The following THSD7A variants were observed in gnomAD, a reference collection of about 807,000 sequenced individuals.
The protein encoded by THSD7A is thrombospondin type 1 domain containing 7A.
THSD7A carries 96 observed loss-of-function variants against 231.3 expected under a neutral mutation model. The ratio of observed to expected loss-of-function variants is 0.41; its 90% CI spans 0.35 to 0.49. The LOEUF is 0.49. Ranked by LOEUF, THSD7A falls within the 20% of genes least tolerant of loss-of-function variation. The pLI is 0.05. For synonymous variants in THSD7A, 940 were observed against 743.3 expected, an observed-to-expected ratio of 1.26 and a Z score of -4.30; for missense variants, 2,290 against 2,070.2, an observed-to-expected ratio of 1.11 and a Z score of -2.06.
At chr7:11,817,351 C>T (rs77112816) in intron 1 of THSD7A, among the ~76,000 whole-genome samples, 3 of 152,190 alleles carry the variant, frequency 2.0e-5, no homozygotes, top group South Asian at 2.1e-4. Context: ...TCCAGCATTG[C>T]CTGCATGGCT....
At chr7:11,659,986 T>C (rs1254457611) in intron 1 of THSD7A, among the ~76,000 whole-genome samples, 1 of 151,504 alleles carries the variant, frequency 6.6e-6, no homozygotes, top group Non-Finnish European at 1.5e-5. Context: ...TCTATATTTC[T>C]TACAGACCTC....
At chr7:11,635,140 T>G (rs1461432805) in intron 2 of THSD7A, among the ~76,000 whole-genome samples, 1 of 152,154 alleles carries the variant, frequency 6.6e-6, no homozygotes, top group African/African-American at 2.4e-5. Context: ...GGTCGAAACT[T>G]CAGGGAAATT....
At chr7:11,595,539 A>G (rs1454178344) in intron 2 of THSD7A, among the ~76,000 whole-genome samples, 1 of 152,130 alleles carries the variant, frequency 6.6e-6, no homozygotes, top group Non-Finnish European at 1.5e-5. Context: ...GAAATGCCTG[A>G]TCTCCCCTGG....
intron 6 of THSD7A, among the ~76,000 whole-genome samples, chr7:11,522,802 A>G (rs1466951266): frequency 6.6e-6 from 1 of 152,184 alleles, no homozygotes; most frequent in South Asian, 2.1e-4. Flanking sequence ...CCACTATAAT[A>G]CGAAAGTACA....
intron 2 of THSD7A, among the ~76,000 whole-genome samples, chr7:11,631,539 C>T (rs550877342): frequency 6.6e-6 from 1 of 152,114 alleles, no homozygotes; most frequent in Admixed American, 6.6e-5. Context: ...ATAAATATTC[C>T]CATGAGCTGA....
chr7:11,591,094 A>T (rs573366200), intron 3 of THSD7A, among the ~76,000 whole-genome samples: 6 of 152,032 alleles, frequency 3.9e-5, no homozygotes, highest in Admixed American at 2.0e-4. Flanking sequence ...TTATGCTTGT[A>T]TATTAGGGTT....
intron 1 of THSD7A, among the ~76,000 whole-genome samples, chr7:11,726,297 T>A: frequency 6.6e-6 from 1 of 152,016 alleles, no homozygotes; most frequent in African/African-American, 2.4e-5. Flanking sequence ...ATTAATAATT[T>A]GACAATGACA....
At chr7:11,799,674 A>T (rs1253722727) in intron 1 of THSD7A, among the ~76,000 whole-genome samples, 1 of 152,210 alleles carries the variant, frequency 6.6e-6, no homozygotes, top group Non-Finnish European at 1.5e-5. Context: ...CAAAAGAAAT[A>T]AGCATATTTT....
At chr7:11,642,237 A>T (rs1029521551) in intron 1 of THSD7A, among the ~76,000 whole-genome samples, 1 of 152,296 alleles carries the variant, frequency 6.6e-6, no homozygotes, top group South Asian at 2.1e-4. Flanking sequence ...AGTGGGAGGT[A>T]GGGGTAGCAG....
chr7:11,783,825 T>C (rs184886543), intron 1 of THSD7A, among the ~76,000 whole-genome samples: 34 of 152,258 alleles, frequency 2.2e-4, no homozygotes, highest in African/African-American at 5.1e-4. Flanking sequence ...TTAATTAATA[T>C]ACTCTTTTTA....
chr7:11,813,548 C>A (rs971814519), intron 1 of THSD7A, among the ~76,000 whole-genome samples: 12 of 151,908 alleles, frequency 7.9e-5, no homozygotes, highest in African/African-American at 2.7e-4. Flanking sequence ...GCTGTCTCTA[C>A]TAAAATTACA....
At chr7:11,460,573 C>T (rs1785468487) in intron 11 of THSD7A, 89 bp downstream of exon 11, 2 of 990,528 alleles carry the variant, frequency 2.0e-6, no homozygotes, top group East Asian at 5.4e-5. Flanking sequence ...GCTCTGTTTG[C>T]TAAGCATGGT....
In THSD7A at chr7:11,627,869, C is replaced by T. The variant is rs115122997; in HGVS notation, c.1022+8261G>A. Among the ~76,000 whole-genome samples the T allele has an allele frequency of 9.0e-3, 1,361 of 151,726 alleles. 19 individuals are homozygous for T. Among genetic ancestry groups the T allele is most frequent in the African/African-American group, 0.031 (1,297 of 41,392 alleles). ...TAGGAGTAAGAAAATGTATGCGCTC[C>T]CCTTTAACTGATTGGAAAAAGATAG... On this transcript the variant is annotated intron_variant, in intron 2 of 27. Coordinates refer to ENST00000423059, the MANE Select transcript of THSD7A (RefSeq NM_015204.3).
At position 11,463,240 on chromosome 7, in the gene THSD7A, T is replaced by C. The variant is rs903443202; in HGVS notation, c.2369-1097A>G. ...ATTAGAACATTGCCATAATGGAATA[T>C]CCTTTCTCATTCAGTCAAAGATATT... On this transcript the variant is annotated intron_variant, in intron 9 of 27. Transcript: ENST00000423059. 2.0e-5 allele frequency among the ~76,000 whole-genome samples: 3 copies of C among 152,172 alleles called. No individual in the cohort carries two copies. In the East Asian group the frequency reaches 5.8e-4, roughly 29 times the overall value.
intron 1 of THSD7A, among the ~76,000 whole-genome samples, chr7:11,830,868 A>T (rs764362814): frequency 6.6e-6 from 1 of 152,108 alleles, no homozygotes; most frequent in Non-Finnish European, 1.5e-5. Context: ...TTCTTAAATT[A>T]CCCCCTAGCT....
chr7:11,648,644 G>GTGTGTGTGTGTGTGTA (rs1782379305), intron 1 of THSD7A, among the ~76,000 whole-genome samples: 1 of 150,978 alleles, frequency 6.6e-6, no homozygotes, highest in South Asian at 2.1e-4. Flanking sequence ...TGGCGTGTGT[G>GTGTGTGTGTGTGTGTA]TGTGTGTGTG....
chr7:11,767,985 T>C (rs1250659401), intron 1 of THSD7A, among the ~76,000 whole-genome samples: 1 of 152,172 alleles, frequency 6.6e-6, no homozygotes, highest in Admixed American at 6.5e-5. Flanking sequence ...TCAAAATAAA[T>C]ATATTAGCTA....
chr7:11,565,959 G>C (rs575710745), intron 4 of THSD7A, among the ~76,000 whole-genome samples: 1 of 152,142 alleles, frequency 6.6e-6, no homozygotes, highest in South Asian at 2.1e-4. Flanking sequence ...CAGTACTTCT[G>C]GGTTCTCCTT....
intron 2 of THSD7A, among the ~76,000 whole-genome samples, chr7:11,604,863 A>C (rs1780682528): frequency 1.3e-5 from 2 of 152,142 alleles, no homozygotes; most frequent in Admixed American, 1.3e-4. Context: ...AATTTATTTG[A>C]AAGCTCAGGA....
Sources: gnomAD v4.1 joint callset for allele counts (sites outside exome capture counted in the v4.1 genomes callset) on GRCh38, gnomAD v4.1.1 for gene constraint, MANE v1.5 for transcripts, NCBI Gene and HGNC (gene_info 2026-07-23, HGNC 2026-07-21) for gene names.